Variants in CAMK2A observed in about 807,000 individuals in gnomAD.
The protein encoded by CAMK2A is calcium/calmodulin dependent protein kinase II alpha, also known as calcium/calmodulin-dependent protein kinase type II subunit alpha.
In CAMK2A, 7 loss-of-function variants were observed where a neutral mutation model predicts 79.2. That is an observed-to-expected ratio of 0.09 (90% CI 0.05 to 0.17). The LOEUF (loss-of-function observed/expected upper bound fraction) is 0.17. Ranked by LOEUF, CAMK2A falls within the 10% of genes least tolerant of loss-of-function variation. The probability of loss-of-function intolerance (pLI) is 1.00; values close to 1 mark genes in which losing one functional copy is unlikely to be tolerated. For synonymous variants in CAMK2A, 242 were observed against 251.7 expected (o/e 0.96, Z 0.36); for missense variants, 214 against 646.4 (o/e 0.33, Z 7.25).
intron 13 of CAMK2A, among the ~76,000 whole-genome samples, chr5:150,240,513 A>T (rs1478201186): frequency 6.6e-6 from 1 of 152,180 alleles, no homozygotes; most frequent in East Asian, 1.9e-4. Context: ...TTACACTAGC[A>T]TTTTGGGGAT....
At chr5:150,241,479 CCTT>C (rs1476598919) in intron 13 of CAMK2A, among the ~76,000 whole-genome samples, 7 of 142,438 alleles carry the variant, frequency 4.9e-5, no homozygotes, top group South Asian at 2.4e-4. Flanking sequence ...CCCCTCTCCT[CCTT>C]CTTCTCTTCC....
chr5:150,270,934 C>T (rs2343111), intron 2 of CAMK2A, among the ~76,000 whole-genome samples: 25,553 of 152,018 alleles, frequency 0.17, 2,333 homozygotes, highest in East Asian at 0.25. Context: ...GGTCAACGTG[C>T]AAGTGTGTGT....
chr5:150,246,280 G>A (rs1004370182), intron 12 of CAMK2A, among the ~76,000 whole-genome samples: 22 of 152,202 alleles, frequency 1.4e-4, no homozygotes, highest in Admixed American at 1.2e-3. Flanking sequence ...TCTGGATCCC[G>A]AAGCTGACAG....
At chr5:150,270,628 A>G (rs1397881320) in intron 2 of CAMK2A, among the ~76,000 whole-genome samples, 2 of 151,972 alleles carry the variant, frequency 1.3e-5, no homozygotes, top group African/African-American at 4.8e-5. Flanking sequence ...CGGCAAACAA[A>G]GAATCCTGCT....
intron 3 of CAMK2A, among the ~76,000 whole-genome samples, chr5:150,257,998 C>T (rs1756134506): frequency 6.6e-6 from 1 of 152,248 alleles, no homozygotes; most frequent in Admixed American, 6.5e-5. Flanking sequence ...CTGAGCCTCT[C>T]TTTCCTTGCC....
rs753218743 is a variant in CAMK2A, at chr5:150,241,635, TCTC to T, written c.985-1902_985-1900del. On this transcript the variant is annotated intron_variant, in intron 13 of 18. Coordinates refer to ENST00000671881, the MANE Select transcript of CAMK2A (RefSeq NM_015981.4). ...TCTCCTGTCCTCTCCTCTCCTCCCC[TCTC>T]CTCCTTCTTTTCTTCCTCTCTTCTC... Among the ~76,000 whole-genome samples the T allele has an allele frequency of 4.6e-5, 6 of 131,442 alleles. No homozygotes were observed. In the South Asian group the frequency reaches 1.3e-3, roughly 29 times the overall value. The allele number at this position is 131,442 out of a possible 152,430, so 86.2% of individuals were successfully genotyped here. A position where few individuals can be genotyped will look rare whatever the true frequency, so the allele number is the denominator to read the frequency against.
At chr5:150,258,750 G>A (rs1312034372) in intron 3 of CAMK2A, among the ~76,000 whole-genome samples, 3 of 152,160 alleles carry the variant, frequency 2.0e-5, no homozygotes, top group Non-Finnish European at 4.4e-5. Context: ...TCAATATTGA[G>A]TCCCCTGAAT....
At chr5:150,243,313 A>T (rs1477251755) in intron 13 of CAMK2A, among the ~76,000 whole-genome samples, 3 of 151,930 alleles carry the variant, frequency 2.0e-5, no homozygotes, top group Non-Finnish European at 2.9e-5. Flanking sequence ...ACATCCCCCA[A>T]ATCGGAACCA....
chr5:150,279,742 G>T (rs1482308034), intron 1 of CAMK2A, among the ~76,000 whole-genome samples: 1 of 152,196 alleles, frequency 6.6e-6, no homozygotes, highest in Non-Finnish European at 1.5e-5. Context: ...AGGCAGGGAG[G>T]CCCCCCTCCG....
At chr5:150,225,995 C>G (rs1026417282) in intron 17 of CAMK2A, among the ~76,000 whole-genome samples, 1 of 152,218 alleles carries the variant, frequency 6.6e-6, no homozygotes, top group Non-Finnish European at 1.5e-5. Context: ...TCCTCCCAAC[C>G]TCAACCTCCC....
intron 2 of CAMK2A, among the ~76,000 whole-genome samples, chr5:150,271,355 G>T (rs185067896): frequency 6.6e-6 from 1 of 152,154 alleles, no homozygotes. Context: ...AGACACTGGC[G>T]GGAGGTCGGT....
chr5:150,256,877 G>A lies in CAMK2A; in HGVS notation c.273-46C>T. On this transcript the variant is annotated intron_variant, in intron 4 of 18. Coordinates refer to ENST00000671881, the MANE Select transcript of CAMK2A (RefSeq NM_015981.4). This position sits in a 1 kb window ranked among gnomAD's most constrained non-coding sequence, Gnocchi z 4.6. ...TCACCCTCTAATAGAGGCGACAGGT[G>A]CTGCCTCATCTGGAGGAGTCTCCAG... 2.6e-6 allele frequency: 4 copies of A among 1,529,320 alleles called. No individual in the cohort carries two copies. The highest frequency in any genetic ancestry group is 3.6e-6 in the Non-Finnish European group (4 of 1,111,396). 94.7% of individuals were successfully genotyped at this position (1,529,320 alleles called of 1,614,324 possible). A position where few individuals can be genotyped will look rare whatever the true frequency, so the allele number is the denominator to read the frequency against.
chr5:150,245,811 G>A (rs1317454631), intron 12 of CAMK2A, among the ~76,000 whole-genome samples: 3 of 152,208 alleles, frequency 2.0e-5, no homozygotes, highest in Non-Finnish European at 4.4e-5. Flanking sequence ...ATTGGCACTG[G>A]CTATGGCCCG....
chr5:150,256,540 C>G lies in CAMK2A; in HGVS notation c.411+33G>C. 6.5e-7 allele frequency: 1 copy of G among 1,541,130 alleles called. No individual in the cohort carries two copies. The highest frequency in any genetic ancestry group is 1.1e-5 in the South Asian group (1 of 89,338). The stretch of plus-strand genomic sequence containing the variant: ...GACGTGCAGAGGAGAGAGGGGCTCC[C>G]GGGGTGAGCCACACCCACGGTGGGT... On this transcript the variant is annotated intron_variant, in intron 6 of 18. Coordinates refer to ENST00000671881, the MANE Select transcript of CAMK2A (RefSeq NM_015981.4). The surrounding 1 kb of genome is among the most constrained non-coding windows in gnomAD (Gnocchi z 4.6).
rs1455022000 is a variant in CAMK2A, at chr5:150,245,204, G to A, written c.944-3C>T. 2 of 1,613,628 alleles carry A rather than the reference G, an allele frequency of 1.2e-6. No individual in the cohort carries two copies. Among genetic ancestry groups the A allele is most frequent in the South Asian group, 2.2e-5 (2 of 90,986 alleles). ...CTTGTTTCCCCCACTCTTCCCTCCT[G>A]TGGAGGAGAAAAAGTAGAGGGTTAA... On this transcript the variant is annotated splice_region_variant and splice_polypyrimidine_tract_variant and intron_variant, in intron 12 of 18. Coordinates refer to ENST00000671881, the MANE Select transcript of CAMK2A (RefSeq NM_015981.4).
rs763874013 is a variant in CAMK2A at position 150,264,990 on chromosome 5, G to A, written c.183C>T (p.Ala61=). The change falls in exon 3 of 19, where the codon GCC becomes GCT. Residue 61 remains alanine (A), a synonymous_variant. Transcript: ENST00000671881. The part of the protein sequence containing the change: ...ARDHQKLERE[A]RICRLLKHPN... Reference sequence around the variant, plus strand: ...GGTGCTTCAGCAGGCGGCAGATGCGGGCTTCACGCTCCAGCTTCTGATGGT... The same window carrying A: ...GGTGCTTCAGCAGGCGGCAGATGCGAGCTTCACGCTCCAGCTTCTGATGGT... The A allele has an allele frequency of 6.2e-7, 1 of 1,613,964 alleles. No individual in the cohort carries two copies. Among genetic ancestry groups the A allele is most frequent in the South Asian group, 1.1e-5 (1 of 91,074 alleles).
chr5:150,231,261 C>G, intron 16 of CAMK2A, 44 bp downstream of exon 16: 4 of 1,219,258 alleles, frequency 3.3e-6, no homozygotes, highest in Non-Finnish European at 3.5e-6. Flanking sequence ...ACCCCCTGAA[C>G]AACAATCCAG....
intron 11 of CAMK2A, among the ~76,000 whole-genome samples, chr5:150,249,256 G>A (rs1755719563): frequency 6.6e-6 from 1 of 152,264 alleles, no homozygotes; most frequent in Admixed American, 6.5e-5. Flanking sequence ...GCCAGGAGCT[G>A]TCACCACCCT....
chr5:150,233,036 G>A (rs1043519310), intron 15 of CAMK2A, among the ~76,000 whole-genome samples: 4 of 152,200 alleles, frequency 2.6e-5, no homozygotes, highest in South Asian at 2.1e-4. Context: ...TGTTTTGCCC[G>A]AATGCTTTAT....
Sources: gnomAD v4.1 joint callset for allele counts (sites outside exome capture counted in the v4.1 genomes callset) on GRCh38, gnomAD v4.1.1 for gene constraint, Gnocchi (gnomAD v3.1) non-coding constraint, MANE v1.5 for transcripts, NCBI Gene and HGNC (gene_info 2026-07-23, HGNC 2026-07-21) for gene names.